The following SMARCB1 variants were observed in gnomAD, a reference collection of about 807,000 sequenced individuals.
SMARCB1 encodes the protein SWI/SNF-related matrix-associated actin-dependent regulator of chromatin subfamily B member 1.
In SMARCB1, 5 loss-of-function variants were observed where a neutral mutation model predicts 49.0. The observed-to-expected ratio is 0.10, with a 90% CI of 0.05 to 0.21. The LOEUF is 0.21. Among genes scored for constraint, SMARCB1 ranks in the 10% least tolerant of loss-of-function variants. The pLI is 1.00. For synonymous variants in SMARCB1, 201 were observed against 200.1 expected (o/e 1.00, Z -0.04); for missense variants, 226 against 509.2 (o/e 0.44, Z 5.35).
chr22:23,814,646 C>T (rs150243650), intron 5 of SMARCB1, among the ~76,000 whole-genome samples: 1 of 151,066 alleles, frequency 6.6e-6, no homozygotes, highest in African/African-American at 2.4e-5. Context: ...TCCTGGGCAA[C>T]AAGAGTGAAA....
intron 7 of SMARCB1, among the ~76,000 whole-genome samples, chr22:23,832,254 C>T (rs893032104): frequency 3.9e-5 from 6 of 152,154 alleles, no homozygotes; most frequent in African/African-American, 1.4e-4. Context: ...TCCCTGGCCC[C>T]TAGGAAGCTC....
intron 1 of SMARCB1, among the ~76,000 whole-genome samples, chr22:23,790,708 T>C (rs1928326553): frequency 6.6e-6 from 1 of 152,040 alleles, no homozygotes; most frequent in Non-Finnish European, 1.5e-5. Flanking sequence ...CCGGTTGTGG[T>C]GGCAAGCAAC....
intron 5 of SMARCB1, among the ~76,000 whole-genome samples, chr22:23,809,741 G>A (rs1929747668): frequency 6.6e-6 from 1 of 151,962 alleles, no homozygotes; most frequent in African/African-American, 2.4e-5. Flanking sequence ...TGAGAAACTG[G>A]AGGCTAGAAG....
At position 23,825,424 on chromosome 22, in the gene SMARCB1, A is replaced by G. The variant is rs773617664; in HGVS notation, c.986+9A>G. On this transcript the variant is annotated intron_variant, in intron 7 of 8. Transcript: ENST00000644036. The stretch of plus-strand genomic sequence containing the variant: ...AAGACCTACGCCTTCAGGTAGGATC[A>G]TGCATGAGTCTCTCCCTCCCTCATC... The G allele has an allele frequency of 6.2e-7, 1 of 1,611,514 alleles. No homozygotes were observed.
chr22:23,837,581 A>G lies in SMARCB1; in HGVS notation c.*3401A>G. ...AGGAGAACTCCAGCAAGGATGGGAG[A>G]GGGGCCCCAGGGCATAAGCAGCGTG... is the stretch of plus-strand genomic sequence containing the variant. On this transcript the variant is annotated 3_prime_UTR_variant, in exon 9 of 9. Coordinates refer to ENST00000644036, the MANE Select transcript of SMARCB1 (RefSeq NM_003073.5). 1 of 1,440,524 alleles carries G rather than the reference A, an allele frequency of 6.9e-7. No individual in the cohort carries two copies. Among genetic ancestry groups the G allele is most frequent in the Non-Finnish European group, 9.5e-7 (1 of 1,056,490 alleles). The allele number at this position is 1,440,524 out of a possible 1,614,324, so 89.2% of individuals were successfully genotyped here.
rs776528048 is a variant in SMARCB1 at position 23,836,035 on chromosome 22, G to T, written c.*1855G>T. 32 of 985,496 alleles carry T rather than the reference G, an allele frequency of 3.2e-5. 1 individual carries two copies. Among genetic ancestry groups the T allele is most frequent in the Non-Finnish European group, 3.9e-5 (32 of 829,970 alleles). The allele number at this position is 985,496 out of a possible 1,614,324, so 61.0% of individuals were successfully genotyped here. On this transcript the variant is annotated 3_prime_UTR_variant, in exon 9 of 9. Coordinates refer to ENST00000644036, the MANE Select transcript of SMARCB1 (RefSeq NM_003073.5). Reference sequence around the variant, plus strand: ...CAGAAATAAACCACAACATGGACAGGCTTAGAACAACAAGGAAAGCTGCCA... The same window carrying T: ...CAGAAATAAACCACAACATGGACAGTCTTAGAACAACAAGGAAAGCTGCCA...
In SMARCB1 at chr22:23,793,033, G is replaced by A. The variant is rs543620132; in HGVS notation, c.233-526G>A. The A allele has an allele frequency of 2.1e-4, 44 of 212,904 alleles. No homozygotes were observed. In the Middle Eastern group the frequency reaches 6.1e-3, roughly 30 times the overall value. 13.2% of individuals were successfully genotyped at this position (212,904 alleles called of 1,614,324 possible). On this transcript the variant is annotated intron_variant, in intron 2 of 8. Transcript: ENST00000644036. The stretch of plus-strand genomic sequence containing the variant: ...CCAGGCAGCACGTGTGGACCGGCTC[G>A]GGGATAGAAATTCGTGTTTGGTGTG...
At chr22:23,805,014 T>G (rs1386853080) in intron 5 of SMARCB1, among the ~76,000 whole-genome samples, 1 of 152,216 alleles carries the variant, frequency 6.6e-6, no homozygotes, top group Non-Finnish European at 1.5e-5. Flanking sequence ...GTTGTTGATA[T>G]GTGGCTGCCT....
intron 3 of SMARCB1, among the ~76,000 whole-genome samples, chr22:23,796,937 G>C (rs990835999): frequency 6.6e-6 from 1 of 152,016 alleles, no homozygotes; most frequent in African/African-American, 2.4e-5. Flanking sequence ...CGGACAATTT[G>C]AGCAGAGGCT....
Position 23,833,476 on chromosome 22 carries a change from G to C in SMARCB1, c.987-96G>C, listed in dbSNP as rs1354352137. On this transcript the variant is annotated intron_variant, in intron 7 of 8. Transcript: ENST00000644036. ...TCCACTGGGTGCCAGCAGTGCTGCT[G>C]GGAGGAGCAGGGCACAGACAGGGGC... The C allele has an allele frequency of 1.2e-5, 18 of 1,547,130 alleles. No homozygotes were observed. The Admixed American group carries it at 3.0e-4, about 26-fold the overall frequency.
intron 5 of SMARCB1, chr22:23,803,816 TCTC>T (rs1568943586): frequency 3.5e-5 from 12 of 338,256 alleles, no homozygotes; most frequent in South Asian, 2.5e-4. Flanking sequence ...CCCGTGCCTC[TCTC>T]CTCCTCTAAC....
chr22:23,836,378 G>A lies in SMARCB1; in HGVS notation c.*2198G>A, dbSNP rs1431022436. 3.0e-6 allele frequency: 3 copies of A among 985,522 alleles called. No individual in the cohort carries two copies. The highest frequency in any genetic ancestry group is 1.2e-4 in the Admixed American group (2 of 16,272). 61.0% of individuals were successfully genotyped at this position (985,522 alleles called of 1,614,324 possible). A position where few individuals can be genotyped will look rare whatever the true frequency, so the allele number is the denominator to read the frequency against. On this transcript the variant is annotated 3_prime_UTR_variant, in exon 9 of 9. Coordinates refer to ENST00000644036, the MANE Select transcript of SMARCB1 (RefSeq NM_003073.5). ...GGCACCACTGGCAGGAACATCTGTAGGCTGGTTTGGCACAACCTAGGAGAC... is the reference window on the plus strand; with the variant it reads ...GGCACCACTGGCAGGAACATCTGTAAGCTGGTTTGGCACAACCTAGGAGAC...
chr22:23,837,956 G>T lies in SMARCB1; in HGVS notation c.*3776G>T. On this transcript the variant is annotated 3_prime_UTR_variant, in exon 9 of 9. Transcript: ENST00000644036. The stretch of plus-strand genomic sequence containing the variant: ...ATTCTTCCCCTCATCTCCCCTATGT[G>T]CTATTCCCTCATCAAGATGAGCCAG... 7.7e-7 allele frequency: 1 copy of T among 1,303,848 alleles called. No individual in the cohort carries two copies. 80.8% of individuals were successfully genotyped at this position (1,303,848 alleles called of 1,614,324 possible).
chr22:23,820,877 C>T (rs1281926294), intron 6 of SMARCB1, among the ~76,000 whole-genome samples: 1 of 152,168 alleles, frequency 6.6e-6, no homozygotes, highest in East Asian at 1.9e-4. Flanking sequence ...GTCTTGTAAA[C>T]ATGTGGAGGA....
chr22:23,836,099 G>A lies in SMARCB1; in HGVS notation c.*1919G>A, dbSNP rs536450679. On this transcript the variant is annotated 3_prime_UTR_variant, in exon 9 of 9. Transcript: ENST00000644036. Reference sequence around the variant, plus strand: ...AAATGAGCCACAGGGGTCGGATAAGGCTCACACACGTCCTCAGCTAAAAAG... The same window carrying A: ...AAATGAGCCACAGGGGTCGGATAAGACTCACACACGTCCTCAGCTAAAAAG... The A allele has an allele frequency of 2.0e-6, 2 of 985,474 alleles. No homozygotes were observed. The highest frequency in any genetic ancestry group is 3.5e-5 in the African/African-American group (2 of 57,364). The allele number at this position is 985,474 out of a possible 1,614,324, so 61.0% of individuals were successfully genotyped here. A position where few individuals can be genotyped will look rare whatever the true frequency, so the allele number is the denominator to read the frequency against.
chr22:23,832,525 AGAAAG>A, intron 7 of SMARCB1, among the ~76,000 whole-genome samples: 1 of 152,160 alleles, frequency 6.6e-6, no homozygotes, highest in East Asian at 1.9e-4. Context: ...CAAGTGGAGG[AGAAAG>A]GAAAGGACCA....
intron 3 of SMARCB1, among the ~76,000 whole-genome samples, chr22:23,796,468 T>G (rs1928755040): frequency 6.6e-6 from 1 of 152,198 alleles, no homozygotes; most frequent in Non-Finnish European, 1.5e-5. Flanking sequence ...AAGTATGCAT[T>G]TCTCTGCACA....
chr22:23,828,312 A>C (rs1385252530), intron 7 of SMARCB1, among the ~76,000 whole-genome samples: 1 of 150,766 alleles, frequency 6.6e-6, no homozygotes, highest in East Asian at 2.0e-4. Flanking sequence ...CGGCCTCCCA[A>C]AGTGCTGGGA....
At chr22:23,794,449 G>A (rs1207615426) in intron 3 of SMARCB1, among the ~76,000 whole-genome samples, 6 of 152,178 alleles carry the variant, frequency 3.9e-5, no homozygotes, top group South Asian at 4.1e-4. Context: ...TTGGGAGGCC[G>A]AGGCATTGCT....
Sources: gnomAD v4.1 joint callset for allele counts (sites outside exome capture counted in the v4.1 genomes callset) on GRCh38, gnomAD v4.1.1 for gene constraint, MANE v1.5 for transcripts, NCBI Gene and HGNC (gene_info 2026-07-23, HGNC 2026-07-21) for gene names.